The following LEF1 variants were observed in gnomAD, a reference collection of about 807,000 sequenced individuals.
LEF1 encodes lymphoid enhancer-binding factor 1.
In LEF1, 14 loss-of-function variants were observed where a neutral mutation model predicts 51.2. The observed-to-expected ratio is 0.27, with a 90% CI of 0.18 to 0.43. The LOEUF (loss-of-function observed/expected upper bound fraction) is 0.43. Among genes scored for constraint, LEF1 ranks in the 20% least tolerant of loss-of-function variants. The pLI, the probability that LEF1 is intolerant of heterozygous loss-of-function variation, is 1.00. For missense variants in LEF1, 386 were observed against 512.0 expected (o/e 0.75, Z 2.37); for synonymous variants, 185 against 183.2 (o/e 1.01, Z -0.08).
chr4:108,137,067 C>T (rs1743310609), intron 3 of LEF1, among the ~76,000 whole-genome samples: 1 of 152,062 alleles, frequency 6.6e-6, no homozygotes. Context: ...GTATTTGGTG[C>T]CTCTCCCTAA....
At chr4:108,094,875 G>A (rs1740277689) in intron 3 of LEF1, among the ~76,000 whole-genome samples, 1 of 152,182 alleles carries the variant, frequency 6.6e-6, no homozygotes, top group Non-Finnish European at 1.5e-5. Flanking sequence ...TGGTACTCGT[G>A]ACATAAAGCC....
chr4:108,112,823 T>C (rs10022956), intron 3 of LEF1, among the ~76,000 whole-genome samples: 111,737 of 152,152 alleles, frequency 0.73, 41,869 homozygotes, highest in African/African-American at 0.83. Context: ...TTTAATCCTA[T>C]ACCCTTGTAG....
intron 3 of LEF1, among the ~76,000 whole-genome samples, chr4:108,095,876 G>A (rs1322733504): frequency 6.6e-6 from 1 of 152,132 alleles, no homozygotes; most frequent in African/African-American, 2.4e-5. Context: ...AGGGACTGGG[G>A]TTAAGGTTAG....
intron 8 of LEF1, chr4:108,075,233 G>C (rs1738772311): frequency 1.3e-5 from 2 of 152,208 alleles, no homozygotes; most frequent in African/African-American, 4.8e-5. Flanking sequence ...GTGACTTGCA[G>C]ATTGGAAATA....
chr4:108,092,758 C>T lies in LEF1; in HGVS notation c.415-3501G>A, dbSNP rs567938634. Among the ~76,000 whole-genome samples the T allele has an allele frequency of 3.9e-5, 6 of 152,036 alleles. No homozygotes were observed. In the South Asian group the frequency reaches 1.2e-3, roughly 32 times the overall value. On this transcript the variant is annotated intron_variant, in intron 3 of 11. Coordinates refer to ENST00000265165, the MANE Select transcript of LEF1 (RefSeq NM_016269.5). ...ATGCAGAGTTATACATGCCCGTGTG[C>T]ATATGTGTGTATTTATTAAGCACCT...
intron 3 of LEF1, among the ~76,000 whole-genome samples, chr4:108,142,775 T>C (rs1278601336): frequency 6.6e-6 from 1 of 152,194 alleles, no homozygotes; most frequent in Non-Finnish European, 1.5e-5. Flanking sequence ...CAATATTACA[T>C]AGCTCTACAG....
Position 108,057,887 on chromosome 4 carries a change from T to C in LEF1, c.*6+5736A>G, listed in dbSNP as rs560147737. On this transcript the variant is annotated intron_variant, in intron 11 of 11. Coordinates refer to ENST00000265165, the MANE Select transcript of LEF1 (RefSeq NM_016269.5). Reference sequence around the variant, plus strand: ...TTTTTTTTATCTTTTTTTTTTTTTTTCCCCGAGACGGAGTCTCTCACTGTC... The same window carrying C: ...TTTTTTTTATCTTTTTTTTTTTTTTCCCCCGAGACGGAGTCTCTCACTGTC... 1.2e-3 allele frequency among the ~76,000 whole-genome samples: 178 copies of C among 151,128 alleles called. 3 individuals carry two copies. The highest frequency in any genetic ancestry group is 0.011 in the South Asian group (50 of 4,742).
chr4:108,074,579 A>G (rs1738721356), intron 8 of LEF1, among the ~76,000 whole-genome samples: 1 of 152,250 alleles, frequency 6.6e-6, no homozygotes, highest in Non-Finnish European at 1.5e-5. Context: ...CACTTTTAAG[A>G]ACTCAAATTA....
chr4:108,078,027 C>G (rs1739025163), intron 8 of LEF1, among the ~76,000 whole-genome samples, 193 bp downstream of exon 8: 5 of 145,872 alleles, frequency 3.4e-5, no homozygotes, highest in Admixed American at 7.2e-5. Flanking sequence ...GCTTGGGCAA[C>G]AGAGTGAGAC....
At chr4:108,087,199 G>A (rs1739708319) in intron 4 of LEF1, among the ~76,000 whole-genome samples, 1 of 152,154 alleles carries the variant, frequency 6.6e-6, no homozygotes, top group Admixed American at 6.5e-5. Flanking sequence ...ATGGAAGTGA[G>A]TGCTTTTTTC....
chr4:108,157,133 A>C, intron 3 of LEF1, among the ~76,000 whole-genome samples: 1 of 150,236 alleles, frequency 6.7e-6, no homozygotes. Context: ...ACCCTAACTT[A>C]TATCTACCTC....
chr4:108,075,427 A>G (rs763005595), intron 8 of LEF1: 1 of 152,226 alleles, frequency 6.6e-6, no homozygotes, highest in Non-Finnish European at 1.5e-5. Context: ...ATGTTTCACA[A>G]GGGTTGTTAG....
chr4:108,088,741 A>ATAACAACATCT (rs1342253745), intron 4 of LEF1, among the ~76,000 whole-genome samples: 12 of 88,662 alleles, frequency 1.4e-4, no homozygotes, highest in Non-Finnish European at 3.1e-4. Context: ...GAGATTCAAA[A>ATAACAACATCT]GAATAAATCT....
chr4:108,089,314 T>C (rs1739858015), intron 3 of LEF1, 57 bp from the exon 4 acceptor site: 5 of 1,564,770 alleles, frequency 3.2e-6, no homozygotes, highest in South Asian at 1.2e-5. Flanking sequence ...CAGTCTTTTC[T>C]CCCAAAGAAA....
At chr4:108,091,458 A>C (rs1017876408) in intron 3 of LEF1, among the ~76,000 whole-genome samples, 1 of 151,884 alleles carries the variant, frequency 6.6e-6, no homozygotes, top group African/African-American at 2.4e-5. Context: ...GGGGGGGAAA[A>C]AAAAGGAAAA....
At chr4:108,101,422 C>CA (rs1347503066) in intron 3 of LEF1, among the ~76,000 whole-genome samples, 2 of 152,130 alleles carry the variant, frequency 1.3e-5, no homozygotes, top group Non-Finnish European at 2.9e-5. Context: ...ACTCAAGAAA[C>CA]AAATTCTTTC....
intron 3 of LEF1, among the ~76,000 whole-genome samples, chr4:108,145,311 C>T (rs916006314): frequency 1.3e-5 from 2 of 152,174 alleles, no homozygotes; most frequent in African/African-American, 4.8e-5. Context: ...AATATCAACC[C>T]TTTAAGAGCT....
chr4:108,140,593 C>T (rs556227561), intron 3 of LEF1, among the ~76,000 whole-genome samples: 214 of 152,264 alleles, frequency 1.4e-3, no homozygotes, highest in African/African-American at 5.0e-3. Context: ...TGAGCAGAAG[C>T]AATACCATTT....
At chr4:108,099,586 A>ATATATGTG (rs1560789260) in intron 3 of LEF1, among the ~76,000 whole-genome samples, 13 of 46,854 alleles carry the variant, frequency 2.8e-4, no homozygotes, top group African/African-American at 7.3e-4. Flanking sequence ...ATATATATAT[A>ATATATGTG]TATATATATA....
Sources: gnomAD v4.1 joint callset for allele counts (sites outside exome capture counted in the v4.1 genomes callset) on GRCh38, gnomAD v4.1.1 for gene constraint, MANE v1.5 for transcripts, NCBI Gene and HGNC (gene_info 2026-07-23, HGNC 2026-07-21) for gene names.